EPC1: variants seen among roughly 807,000 people sequenced by gnomAD.
The protein encoded by EPC1 is enhancer of polycomb 1.
EPC1 carries 12 observed loss-of-function variants against 98.4 expected under a neutral mutation model. That is an observed-to-expected ratio of 0.12 (90% CI 0.08 to 0.20). The LOEUF is 0.20. Among genes scored for constraint, EPC1 ranks in the 10% least tolerant of loss-of-function variants. EPC1 has a pLI of 1.00. For missense variants in EPC1, 729 were observed against 990.5 expected (o/e 0.74, Z 3.54); for synonymous variants, 357 against 363.9 (o/e 0.98, Z 0.21).
chr10:32,345,228 G>A (rs1392219455), intron 1 of EPC1: 1 of 985,334 alleles, frequency 1.0e-6, no homozygotes, highest in Non-Finnish European at 1.2e-6. Context: ...TGTCTCATGA[G>A]ACAATGTGCT....
chr10:32,292,381 A>G (rs1834899812), intron 5 of EPC1, 115 bp downstream of exon 5: 4 of 738,856 alleles, frequency 5.4e-6, no homozygotes, highest in African/African-American at 3.7e-5. Context: ...TAAAGTCTCT[A>G]TTATTAAAAA....
chr10:32,307,998 A>G (rs1252579851), intron 1 of EPC1, among the ~76,000 whole-genome samples: 1 of 152,206 alleles, frequency 6.6e-6, no homozygotes, highest in Non-Finnish European at 1.5e-5. Flanking sequence ...TGATGCCTTT[A>G]GAACATAGCA....
chr10:32,279,566 G>A (rs932173685), intron 10 of EPC1, among the ~76,000 whole-genome samples: 5 of 151,884 alleles, frequency 3.3e-5, no homozygotes, highest in Admixed American at 2.6e-4. Context: ...TCTCTTATTC[G>A]TTTATAAAAA....
At chr10:32,278,384 TG>T (rs1419628165) in intron 10 of EPC1, among the ~76,000 whole-genome samples, 3,650 of 117,508 alleles carry the variant, frequency 0.031, 122 homozygotes, top group Non-Finnish European at 0.047. Flanking sequence ...TTTTTTTTTT[TG>T]TTTTTTTTTT....
intron 1 of EPC1, among the ~76,000 whole-genome samples, chr10:32,308,304 C>A (rs1205742690): frequency 6.6e-6 from 1 of 151,926 alleles, no homozygotes; most frequent in Admixed American, 6.6e-5. Context: ...CAGGGAGAAT[C>A]GCTTGAATCT....
chr10:32,305,281 C>G (rs143165354), intron 2 of EPC1, among the ~76,000 whole-genome samples: 2 of 152,348 alleles, frequency 1.3e-5, no homozygotes, highest in East Asian at 3.9e-4. Flanking sequence ...AGTTTTATTA[C>G]AACACAGCGA....
rs190923258 is a variant in EPC1, at chr10:32,310,409, T to C, written c.154-4478A>G. 3.0e-4 allele frequency among the ~76,000 whole-genome samples: 45 copies of C among 152,322 alleles called. No individual in the cohort carries two copies. The East Asian group carries it at 6.6e-3, about 22-fold the overall frequency. ...CCAAGATGTACTAGTACCCAATGCA[T>C]GGCAGCTAGTCTATACCTTTCATTA... On this transcript the variant is annotated intron_variant, in intron 1 of 13. Transcript: ENST00000319778.
chr10:32,284,861 C>G lies in EPC1; in HGVS notation c.1581G>C (p.Arg527=), dbSNP rs1308589645. 1 of 1,614,156 alleles carries G rather than the reference C, an allele frequency of 6.2e-7. No homozygotes were observed. Among genetic ancestry groups the G allele is most frequent in the South Asian group, 1.1e-5 (1 of 91,084 alleles). ...ILVNIKSCRW[R]HFRPRTPSLH... The stretch of plus-strand genomic sequence containing the variant: ...GGGATGGTGTCCGAGGCCTAAAATG[C>G]CGCCATCTACATGATTTGATATTGA... Residue 527 remains arginine, a synonymous_variant, in exon 10 of 14, where the codon CGG becomes CGC. Transcript: ENST00000319778.
intron 10 of EPC1, among the ~76,000 whole-genome samples, chr10:32,277,230 A>T (rs1299456193): frequency 6.6e-6 from 1 of 152,214 alleles, no homozygotes. Flanking sequence ...CGCAAGGAGA[A>T]TCCTATGTGT....
At chr10:32,275,815 T>C (rs534201701) in intron 10 of EPC1, among the ~76,000 whole-genome samples, 2 of 151,222 alleles carry the variant, frequency 1.3e-5, no homozygotes, top group South Asian at 4.2e-4. Flanking sequence ...CTGGGTGTGG[T>C]AGTCCCAGCT....
intron 2 of EPC1, among the ~76,000 whole-genome samples, chr10:32,300,434 C>CT (rs775966421): frequency 5.0e-3 from 699 of 138,828 alleles, no homozygotes; most frequent in Middle Eastern, 7.3e-3. Flanking sequence ...CAATTCAACT[C>CT]TTTTTTTTTT....
At chr10:32,295,364 T>C (rs1375558527) in intron 2 of EPC1, among the ~76,000 whole-genome samples, 1 of 152,230 alleles carries the variant, frequency 6.6e-6, no homozygotes, top group South Asian at 2.1e-4. Flanking sequence ...ACACAGTGTC[T>C]GGCCTGGGGA....
At chr10:32,343,219 A>AT (rs1403701628) in intron 1 of EPC1, among the ~76,000 whole-genome samples, 1 of 151,902 alleles carries the variant, frequency 6.6e-6, no homozygotes, top group East Asian at 1.9e-4. Flanking sequence ...TAATTAAATT[A>AT]TTTTTTCTGA....
At position 32,269,074 on chromosome 10, in the gene EPC1, C is replaced by T; in HGVS notation, c.2431G>A (p.Glu811Lys). Reference protein sequence around the residue: ...NNIADNTVAMEVT With the variant: ...NNIADNTVAMKVT The stretch of plus-strand genomic sequence containing the variant: ...CCACTCGGAGGAAGCTACGTCACCT[C>T]CATCGCTACTGTGTTGTCTGCTATG... Residue 811 changes from glutamate (E) to lysine (K), a missense_variant, in exon 14 of 14, where the codon GAG becomes AAG. By Grantham distance (56) the Glu-to-Lys change is moderately conservative. Coordinates refer to ENST00000319778, the MANE Select transcript of EPC1 (RefSeq NM_001272004.3). 6.2e-7 allele frequency: 1 copy of T among 1,613,846 alleles called. No individual in the cohort carries two copies. The highest frequency in any genetic ancestry group is 1.1e-5 in the South Asian group (1 of 91,046).
At chr10:32,310,643 C>A (rs183064688) in intron 1 of EPC1, among the ~76,000 whole-genome samples, 1 of 152,238 alleles carries the variant, frequency 6.6e-6, no homozygotes, top group East Asian at 1.9e-4. Flanking sequence ...ACAGGCCAGA[C>A]GTGGTGGCTT....
At chr10:32,272,875 C>G in intron 11 of EPC1, 3 of 639,472 alleles carry the variant, frequency 4.7e-6, no homozygotes. Context: ...AGAGAATGAA[C>G]TGGGTGGGGT....
intron 1 of EPC1, among the ~76,000 whole-genome samples, chr10:32,309,287 G>C (rs1836059352): frequency 6.6e-6 from 1 of 152,056 alleles, no homozygotes; most frequent in African/African-American, 2.4e-5. Context: ...GAATTGGAAA[G>C]TTCCTAAGAC....
intron 1 of EPC1, among the ~76,000 whole-genome samples, chr10:32,324,400 G>A (rs759721568): frequency 6.6e-6 from 1 of 150,776 alleles, no homozygotes; most frequent in African/African-American, 2.4e-5. Context: ...GCGTGGTGGC[G>A]GGTGCCTATA....
intron 1 of EPC1, among the ~76,000 whole-genome samples, chr10:32,362,631 A>G (rs1461273948): frequency 1.3e-5 from 2 of 152,170 alleles, no homozygotes; most frequent in Non-Finnish European, 2.9e-5. Context: ...TTCTTTATAA[A>G]TTACGCAGTC....
Sources: gnomAD v4.1 joint callset for allele counts (sites outside exome capture counted in the v4.1 genomes callset) on GRCh38, gnomAD v4.1.1 for gene constraint, MANE v1.5 for transcripts, NCBI Gene and HGNC (gene_info 2026-07-23, HGNC 2026-07-21) for gene names.